Variants in PPA2 observed in about 807,000 individuals in gnomAD.
PPA2 encodes the protein inorganic pyrophosphatase 2.
In PPA2, 48 loss-of-function variants were observed where a neutral mutation model predicts 49.5. The observed-to-expected ratio is 0.97, with a 90% CI of 0.77 to 1.23. The LOEUF (loss-of-function observed/expected upper bound fraction) is 1.23, where lower values mean the gene tolerates loss of function less well. Among genes scored for constraint, PPA2 ranks in the 50% most tolerant of loss-of-function variants. PPA2 has a pLI of 0.00. For missense variants in PPA2, 429 were observed against 410.1 expected (o/e 1.05, Z -0.40); for synonymous variants, 131 against 139.9 (o/e 0.94, Z 0.45).
At chr4:105,450,086 G>A (rs1170055822) in intron 3 of PPA2, among the ~76,000 whole-genome samples, 1 of 151,774 alleles carries the variant, frequency 6.6e-6, no homozygotes, top group East Asian at 1.9e-4. Flanking sequence ...TAAACCAAAG[G>A]AGACCCTAGG....
chr4:105,408,440 AAC>A (rs1722590311), intron 7 of PPA2, among the ~76,000 whole-genome samples: 1 of 152,164 alleles, frequency 6.6e-6, no homozygotes, highest in Non-Finnish European at 1.5e-5. Context: ...AAGTCTGGTA[AAC>A]AGTGTGGGAG....
In PPA2 at chr4:105,396,447, A is replaced by G. The variant is rs189191599; in HGVS notation, c.784-113T>C. On this transcript the variant is annotated intron_variant, in intron 8 of 11. Transcript: ENST00000341695. ...TAATTGTTAAGAGCATGAGCTCCAG[A>G]GTCAGGCAAAGCTTGGTATAAATTC... 1,895 of 667,698 alleles carry G rather than the reference A, an allele frequency of 2.8e-3. 13 individuals carry two copies. Among genetic ancestry groups the G allele is most frequent in the Middle Eastern group, 0.016 (50 of 3,054 alleles). The allele number at this position is 667,698 out of a possible 1,614,324, so 41.4% of individuals were successfully genotyped here.
At chr4:105,448,582 A>G (rs1722513685) in intron 4 of PPA2, among the ~76,000 whole-genome samples, 2 of 151,660 alleles carry the variant, frequency 1.3e-5, no homozygotes, top group Non-Finnish European at 2.9e-5. Flanking sequence ...ATTTAAAAAA[A>G]AAAAAAAAGC....
At chr4:105,455,875 C>A (rs181848134) in intron 2 of PPA2, among the ~76,000 whole-genome samples, 1 of 152,324 alleles carries the variant, frequency 6.6e-6, no homozygotes, top group East Asian at 1.9e-4. Context: ...CATATAATTT[C>A]AACATGGAAT....
chr4:105,445,833 T>G (rs144237353), intron 5 of PPA2, among the ~76,000 whole-genome samples: 222 of 152,182 alleles, frequency 1.5e-3, no homozygotes, highest in Non-Finnish European at 2.6e-3. Context: ...AGCAAATAGT[T>G]GTTATTCTCC....
In PPA2 at chr4:105,389,489, T is replaced by C. The variant is rs970307948; in HGVS notation, c.870-2853A>G. On this transcript the variant is annotated intron_variant, in intron 9 of 11. Transcript: ENST00000341695. Reference sequence around the variant, plus strand: ...CTAAAAAGAATGCACTGCTTTCCTTTTTATACTAAGATATTAAATATTATA... The same window carrying C: ...CTAAAAAGAATGCACTGCTTTCCTTCTTATACTAAGATATTAAATATTATA... 2.0e-5 allele frequency among the ~76,000 whole-genome samples: 3 copies of C among 151,702 alleles called. No homozygotes were observed. The East Asian group carries it at 5.8e-4, about 29-fold the overall frequency.
At chr4:105,378,119 C>T (rs919754654) in intron 10 of PPA2, among the ~76,000 whole-genome samples, 7 of 152,098 alleles carry the variant, frequency 4.6e-5, no homozygotes, top group African/African-American at 1.7e-4. Flanking sequence ...CAAGAAAATA[C>T]CAAAATGTTT....
At chr4:105,456,019 C>A (rs923200177) in intron 2 of PPA2, 1 of 323,650 alleles carries the variant, frequency 3.1e-6, no homozygotes, top group Non-Finnish European at 6.1e-6. Context: ...ACCAACTAAT[C>A]ATGAGAGATC....
At position 105,388,355 on chromosome 4, in the gene PPA2, T is replaced by C. The variant is rs910216548; in HGVS notation, c.870-1719A>G. Among the ~76,000 whole-genome samples, 7 of 152,166 alleles carry C rather than the reference T, an allele frequency of 4.6e-5. No homozygotes were observed. In the East Asian group the frequency reaches 1.3e-3, roughly 29 times the overall value. On this transcript the variant is annotated intron_variant, in intron 9 of 11. Coordinates refer to ENST00000341695, the MANE Select transcript of PPA2 (RefSeq NM_176869.3). ...AAAATGAAACTATGAATAGGAATAT[T>C]AGAAAAGAATGACAATATTTAAGCC...
chr4:105,385,521 G>A (rs1733647383), intron 10 of PPA2, among the ~76,000 whole-genome samples: 1 of 152,012 alleles, frequency 6.6e-6, no homozygotes, highest in Admixed American at 6.6e-5. Flanking sequence ...GTTGTTCTTA[G>A]TGTAAAGATC....
At chr4:105,436,507 T>C (rs1389870194) in intron 6 of PPA2, among the ~76,000 whole-genome samples, 4 of 150,326 alleles carry the variant, frequency 2.7e-5, no homozygotes, top group African/African-American at 9.8e-5. Flanking sequence ...GCCAGAATAG[T>C]CAAAGCAATC....
chr4:105,435,168 C>G (rs1723991480), intron 6 of PPA2, among the ~76,000 whole-genome samples: 1 of 152,162 alleles, frequency 6.6e-6, no homozygotes, highest in South Asian at 2.1e-4. Context: ...ATGTTTCTTA[C>G]AGCTGATTCA....
intron 8 of PPA2, 97 bp downstream of exon 8, chr4:105,398,940 G>T: frequency 1.5e-6 from 2 of 1,291,258 alleles, no homozygotes; most frequent in Non-Finnish European, 2.1e-6. Flanking sequence ...TTTTAACCAT[G>T]CTATATATAC....
At chr4:105,398,116 C>T (rs966917728) in intron 8 of PPA2, among the ~76,000 whole-genome samples, 4 of 151,898 alleles carry the variant, frequency 2.6e-5, no homozygotes, top group Admixed American at 6.6e-5. Flanking sequence ...TTTACAAATT[C>T]GTGACTTGGC....
intron 10 of PPA2, among the ~76,000 whole-genome samples, chr4:105,381,912 C>A (rs59738222): frequency 6.6e-6 from 1 of 151,768 alleles, no homozygotes; most frequent in African/African-American, 2.4e-5. Context: ...GTCAGAAAAA[C>A]GAACAGAGTA....
chr4:105,449,542 C>T lies in PPA2; in HGVS notation c.268-139G>A. ...AGTCTCCATCATACATCTACCTATG[C>T]CTTAAATTTTTTCTAGAAATTAGAG... On this transcript the variant is annotated intron_variant, in intron 3 of 11. Coordinates refer to ENST00000341695, the MANE Select transcript of PPA2 (RefSeq NM_176869.3). The T allele has an allele frequency of 5.9e-6, 3 of 508,270 alleles. No individual in the cohort carries two copies. The South Asian group carries it at 1.1e-4, about 19-fold the overall frequency. The allele number at this position is 508,270 out of a possible 1,614,324, so 31.5% of individuals were successfully genotyped here. A position where few individuals can be genotyped will look rare whatever the true frequency, so the allele number is the denominator to read the frequency against.
intron 7 of PPA2, among the ~76,000 whole-genome samples, chr4:105,410,063 T>C (rs1330957092): frequency 6.6e-6 from 1 of 152,136 alleles, no homozygotes; most frequent in East Asian, 1.9e-4. Flanking sequence ...GGAGAATGAG[T>C]TTGATGAGTG....
At chr4:105,404,702 C>T (rs1430740280) in intron 7 of PPA2, among the ~76,000 whole-genome samples, 1 of 152,182 alleles carries the variant, frequency 6.6e-6, no homozygotes, top group East Asian at 1.9e-4. Flanking sequence ...CATTATCTCT[C>T]CAATTCCCCA....
At chr4:105,407,806 A>G (rs1407245217) in intron 7 of PPA2, among the ~76,000 whole-genome samples, 1 of 152,218 alleles carries the variant, frequency 6.6e-6, no homozygotes, top group Non-Finnish European at 1.5e-5. Flanking sequence ...CTATTGTGAC[A>G]GAAAGTAAAT....
Sources: allele counts gnomAD v4.1 joint callset (sites outside exome capture counted in the v4.1 genomes callset), GRCh38; gene constraint gnomAD v4.1.1; transcripts MANE v1.5; gene names NCBI Gene and HGNC (gene_info 2026-07-23, HGNC 2026-07-21).